NDRG3: variants seen among roughly 807,000 people sequenced by gnomAD.
NDRG3 encodes the protein NDRG family member 3.
Under a neutral mutation model 57.2 loss-of-function variants are expected in NDRG3, and 23 were observed. The ratio of observed to expected loss-of-function variants is 0.40; its 90% confidence interval spans 0.29 to 0.57. The LOEUF (loss-of-function observed/expected upper bound fraction) is 0.57. Among genes scored for constraint, NDRG3 ranks in the 20% least tolerant of loss-of-function variants. The probability of loss-of-function intolerance (pLI) is 0.42; values close to 1 mark genes in which losing one functional copy is unlikely to be tolerated. For synonymous variants in NDRG3, 132 were observed against 162.6 expected (o/e 0.81, Z 1.43); for missense variants, 384 against 457.3 (o/e 0.84, Z 1.46).
intron 3 of NDRG3, among the ~76,000 whole-genome samples, chr20:36,692,286 C>T (rs960401282): frequency 5.3e-5 from 8 of 152,110 alleles, no homozygotes; most frequent in Non-Finnish European, 1.0e-4. Flanking sequence ...TGCAGTGGCA[C>T]GATCTCAGCT....
chr20:36,697,328 C>G (rs1367996546), intron 3 of NDRG3, among the ~76,000 whole-genome samples: 1 of 152,152 alleles, frequency 6.6e-6, no homozygotes, highest in Non-Finnish European at 1.5e-5. Flanking sequence ...GCCTTAAATT[C>G]TGGTGCTCAT....
chr20:36,730,885 C>T (rs1359472308), intron 1 of NDRG3, among the ~76,000 whole-genome samples: 1 of 150,146 alleles, frequency 6.7e-6, no homozygotes, highest in Admixed American at 6.7e-5. Context: ...TTGGAGTGAG[C>T]CAAGATCGCG....
chr20:36,679,795 C>T (rs895928903), intron 8 of NDRG3, among the ~76,000 whole-genome samples: 1 of 150,950 alleles, frequency 6.6e-6, no homozygotes, highest in Non-Finnish European at 1.5e-5. Context: ...TGAGCCACCG[C>T]GCCTGGCCAA....
Position 36,686,153 on chromosome 20 carries a change from G to T in NDRG3, c.320+1339C>A, listed in dbSNP as rs114771096. Among the ~76,000 whole-genome samples the T allele has an allele frequency of 3.0e-4, 45 of 152,312 alleles. 1 individual carries two copies. The highest frequency in any genetic ancestry group is 1.0e-3 in the African/African-American group (42 of 41,562). On this transcript the variant is annotated intron_variant, in intron 5 of 15. Coordinates refer to ENST00000349004, the MANE Select transcript of NDRG3 (RefSeq NM_032013.4). ...ACACTTAAGGGGATGGTGTGCTGTG[G>T]AACCATTTGTCCACAAAATAGAAAA...
At chr20:36,736,787 C>G (rs1360939059) in intron 1 of NDRG3, among the ~76,000 whole-genome samples, 1 of 152,114 alleles carries the variant, frequency 6.6e-6, no homozygotes, top group African/African-American at 2.4e-5. Flanking sequence ...AAAGGAAAGT[C>G]TGGGTACCTC....
intron 12 of NDRG3, among the ~76,000 whole-genome samples, chr20:36,660,826 C>T (rs1979143523): frequency 6.6e-6 from 1 of 152,136 alleles, no homozygotes; most frequent in Non-Finnish European, 1.5e-5. Context: ...TCCCAAAGTG[C>T]TGGGATTACA....
At chr20:36,715,026 ATATATATATATATATATAT>A (rs1984178604) in intron 2 of NDRG3, among the ~76,000 whole-genome samples, 2 of 110,682 alleles carry the variant, frequency 1.8e-5, no homozygotes, top group South Asian at 5.7e-4. Flanking sequence ...ATATATATAT[ATATATATATATATATATAT>A]ATATATATAT....
intron 3 of NDRG3, among the ~76,000 whole-genome samples, chr20:36,703,451 TATC>T (rs1983367944): frequency 6.6e-6 from 1 of 151,776 alleles, no homozygotes. Flanking sequence ...TCTATCTATC[TATC>T]TATCTATATG....
At chr20:36,737,197 C>A (rs1186333377) in intron 1 of NDRG3, among the ~76,000 whole-genome samples, 1 of 152,122 alleles carries the variant, frequency 6.6e-6, no homozygotes, top group East Asian at 1.9e-4. Flanking sequence ...TAATCCCAGA[C>A]ACCCATCGGC....
intron 2 of NDRG3, among the ~76,000 whole-genome samples, chr20:36,709,728 T>C (rs558761226): frequency 6.6e-6 from 1 of 152,292 alleles, no homozygotes; most frequent in Non-Finnish European, 1.5e-5. Flanking sequence ...GGATAGATGG[T>C]TTTTGTAGGA....
chr20:36,738,628 G>T (rs1476031383), intron 1 of NDRG3, among the ~76,000 whole-genome samples: 1 of 151,890 alleles, frequency 6.6e-6, no homozygotes, highest in Non-Finnish European at 1.5e-5. Flanking sequence ...TTTGAGACAA[G>T]CCTGGCCAAC....
At chr20:36,742,922 C>T (rs1985987375) in intron 1 of NDRG3, among the ~76,000 whole-genome samples, 1 of 152,172 alleles carries the variant, frequency 6.6e-6, no homozygotes, top group African/African-American at 2.4e-5. Flanking sequence ...TCTGCTGCCT[C>T]CCAAAGGACC....
intron 15 of NDRG3, 22 bp downstream of exon 15, chr20:36,656,338 T>A: frequency 1.9e-6 from 3 of 1,609,032 alleles, no homozygotes; most frequent in Non-Finnish European, 2.5e-6. Context: ...CGTTGCTAGA[T>A]AGAAAGTTGT....
At chr20:36,663,967 C>T (rs909942157) in intron 12 of NDRG3, among the ~76,000 whole-genome samples, 5 of 152,030 alleles carry the variant, frequency 3.3e-5, no homozygotes, top group Non-Finnish European at 7.4e-5. Context: ...CATGCCACTA[C>T]ACCCGGCTAA....
intron 1 of NDRG3, among the ~76,000 whole-genome samples, chr20:36,742,790 T>G (rs922050762): frequency 6.6e-6 from 1 of 152,180 alleles, no homozygotes; most frequent in African/African-American, 2.4e-5. Flanking sequence ...GATTCAACTG[T>G]GAATCTTCCA....
Position 36,688,701 on chromosome 20 carries a change from T to C in NDRG3, c.177A>G (p.Thr59=). Residue 59 remains threonine, a synonymous_variant, in exon 4 of 16, where the codon ACA becomes ACG. Coordinates refer to ENST00000349004, the MANE Select transcript of NDRG3 (RefSeq NM_032013.4). ...LPKGNRPVIL[T]YHDIGLNHKS... ...TACGGTTGAGGCCAATGTCATGATATGTTAGTATAACTGGTCTGTTTCCTT... is the reference window on the plus strand; with the variant it reads ...TACGGTTGAGGCCAATGTCATGATACGTTAGTATAACTGGTCTGTTTCCTT... The C allele has an allele frequency of 1.2e-6, 2 of 1,613,258 alleles. No homozygotes were observed. Among genetic ancestry groups the C allele is most frequent in the Non-Finnish European group, 1.7e-6 (2 of 1,179,156 alleles).
In NDRG3 at chr20:36,656,429, G is replaced by A; in HGVS notation, c.895-18C>T. On this transcript the variant is annotated intron_variant, in intron 14 of 15. Coordinates refer to ENST00000349004, the MANE Select transcript of NDRG3 (RefSeq NM_032013.4). ...TTCCCAGGCTGGGGGGATAAAACAA[G>A]AGGGCATTAATTTTTGCATAGACAG... is the stretch of plus-strand genomic sequence containing the variant. 2 of 1,614,138 alleles carry A rather than the reference G, an allele frequency of 1.2e-6. No individual in the cohort carries two copies. The highest frequency in any genetic ancestry group is 1.7e-6 in the Non-Finnish European group (2 of 1,180,030).
At chr20:36,729,195 C>T (rs1297763923) in intron 1 of NDRG3, among the ~76,000 whole-genome samples, 2 of 152,166 alleles carry the variant, frequency 1.3e-5, no homozygotes, top group African/African-American at 2.4e-5. Flanking sequence ...ACGACTCAGA[C>T]ACCTTAGAAA....
At chr20:36,698,373 C>T (rs1416754423) in intron 3 of NDRG3, among the ~76,000 whole-genome samples, 3 of 151,750 alleles carry the variant, frequency 2.0e-5, no homozygotes, top group South Asian at 2.1e-4. Flanking sequence ...GAGGACTGCT[C>T]GAGCCCAGGA....
Sources: gnomAD v4.1 joint callset for allele counts (sites outside exome capture counted in the v4.1 genomes callset) on GRCh38, gnomAD v4.1.1 for gene constraint, MANE v1.5 for transcripts, NCBI Gene and HGNC (gene_info 2026-07-23, HGNC 2026-07-21) for gene names.